Variants in UGT1A9 observed in about 807,000 individuals in gnomAD.
UGT1A9 encodes UDP-glucuronosyltransferase 1A9.
UGT1A9 carries 35 observed loss-of-function variants against 45.0 expected under a neutral mutation model. The observed-to-expected ratio is 0.78, with a 90% CI of 0.59 to 1.03. The LOEUF is 1.03. Ranked by LOEUF, UGT1A9 falls within the 50% of genes least tolerant of loss-of-function variation. The pLI is 0.00. For synonymous variants in UGT1A9, 278 were observed against 250.6 expected (o/e 1.11, Z -1.03); for missense variants, 687 against 666.6 (o/e 1.03, Z -0.34).
At chr2:233,728,181 A>T (rs2077687901) in intron 1 of UGT1A9, among the ~76,000 whole-genome samples, 1 of 152,226 alleles carries the variant, frequency 6.6e-6, no homozygotes, top group South Asian at 2.1e-4. Context: ...CATTCTTATC[A>T]GAACTTGGTG....
At chr2:233,713,149 C>T (rs777655753) in intron 1 of UGT1A9, 6 of 1,614,056 alleles carry the variant, frequency 3.7e-6, no homozygotes, top group Admixed American at 3.3e-5. Flanking sequence ...GACCTCCATG[C>T]GAGAGGCCAC....
chr2:233,682,793 G>A (rs750891491), intron 1 of UGT1A9: 10 of 1,611,268 alleles, frequency 6.2e-6, no homozygotes, highest in Non-Finnish European at 8.5e-6. Flanking sequence ...AGTGCCTATG[G>A]TAAGTTATCT....
rs192671736 is a variant in UGT1A9, at chr2:233,743,440, G to T, written c.856-23594G>T. 5.4e-5 allele frequency: 74 copies of T among 1,361,822 alleles called. 1 individual carries two copies. The African/African-American group carries it at 9.7e-4, about 18-fold the overall frequency. The allele number at this position is 1,361,822 out of a possible 1,614,324, so 84.4% of individuals were successfully genotyped here. A position where few individuals can be genotyped will look rare whatever the true frequency, so the allele number is the denominator to read the frequency against. Reference sequence around the variant, plus strand: ...CAGGGAGCCAAAGGAACGAAATCCTGTATCAAAAGAAGAAAAAACACCCCC... The same window carrying T: ...CAGGGAGCCAAAGGAACGAAATCCTTTATCAAAAGAAGAAAAAACACCCCC... On this transcript the variant is annotated intron_variant, in intron 1 of 4. Transcript: ENST00000354728.
At chr2:233,746,276 T>A (rs1693346507) in intron 1 of UGT1A9, among the ~76,000 whole-genome samples, 1 of 151,642 alleles carries the variant, frequency 6.6e-6, no homozygotes, top group African/African-American at 2.4e-5. Flanking sequence ...GCTGTGGGGA[T>A]TCAAGGAAGG....
Position 233,681,886 on chromosome 2 carries a change from A to G in UGT1A9, c.855+9097A>G, listed in dbSNP as rs542729995. ...TCTATCTGTACTTCTTCCACTTACT[A>G]TATTATAGGAGCTTAGAATCCCAGC... is the stretch of plus-strand genomic sequence containing the variant. On this transcript the variant is annotated intron_variant, in intron 1 of 4. Transcript: ENST00000354728. 3.2e-5 allele frequency: 51 copies of G among 1,576,500 alleles called. 1 individual carries two copies. The South Asian group carries it at 5.6e-4, about 17-fold the overall frequency.
rs1700524777 is a variant in UGT1A9, at chr2:233,772,469, C to T, written c.1503C>T (p.Phe501=). ...FLLAVVLTVA[F]ITFKCCAYGY... ...TGGCCGTCGTGCTGACAGTGGCCTTCATCACCTTTAAATGTTGTGCTTATG... is the reference window on the plus strand; with the variant it reads ...TGGCCGTCGTGCTGACAGTGGCCTTTATCACCTTTAAATGTTGTGCTTATG... Residue 501 remains phenylalanine (F), a synonymous_variant, in exon 5 of 5, where the codon TTC becomes TTT. Coordinates refer to ENST00000354728, the MANE Select transcript of UGT1A9 (RefSeq NM_021027.3). 12 of 1,614,144 alleles carry T rather than the reference C, an allele frequency of 7.4e-6. No homozygotes were observed. The highest frequency in any genetic ancestry group is 1.0e-5 in the Non-Finnish European group (12 of 1,180,034).
chr2:233,722,629 T>C (rs892720273), intron 1 of UGT1A9, among the ~76,000 whole-genome samples: 4 of 152,210 alleles, frequency 2.6e-5, no homozygotes, highest in African/African-American at 7.2e-5. Flanking sequence ...TAATGAAGCA[T>C]TGAGGGCTCG....
intron 1 of UGT1A9, among the ~76,000 whole-genome samples, chr2:233,735,156 T>G (rs2078613836): frequency 6.6e-6 from 1 of 152,214 alleles, no homozygotes; most frequent in Non-Finnish European, 1.5e-5. Context: ...TCTAAGTCTC[T>G]GTGTAGGTCT....
chr2:233,767,766 C>T lies in UGT1A9; in HGVS notation c.988-83C>T, dbSNP rs28900402. The stretch of plus-strand genomic sequence containing the variant: ...TAAAGACTGTTCCTTCAGAGGACCC[C>T]TGTTTTCTAGTTAGTATAGCAGATT... On this transcript the variant is annotated intron_variant, in intron 2 of 4. Coordinates refer to ENST00000354728, the MANE Select transcript of UGT1A9 (RefSeq NM_021027.3). 4.7e-3 allele frequency: 7,536 copies of T among 1,609,198 alleles called. 310 individuals are homozygous for T. The African/African-American group carries it at 0.088, about 19-fold the overall frequency.
chr2:233,682,627 A>G (rs767023426), intron 1 of UGT1A9: 1 of 1,613,954 alleles, frequency 6.2e-7, no homozygotes, highest in South Asian at 1.1e-5. Context: ...TCTTAGAAAT[A>G]GCCTCTGAAA....
chr2:233,768,331 A>G lies in UGT1A9; in HGVS notation c.1187A>G (p.Asp396Gly), dbSNP rs779591634. The change falls in exon 4 of 5, where the codon GAC (aspartate) becomes GGC (glycine). Residue 396 changes from aspartate (D) to glycine (G), a missense_variant. Transcript: ENST00000354728. ...ATGCCCTTGTTTGGTGATCAGATGG[A>G]CAATGCAAAGCGCATGGAGACTAAG... ...VMMPLFGDQM[D>G]NAKRMETKGA... 1 of 1,614,198 alleles carries G rather than the reference A, an allele frequency of 6.2e-7. No homozygotes were observed. Among genetic ancestry groups the G allele is most frequent in the Admixed American group, 1.7e-5 (1 of 60,024 alleles).
chr2:233,747,871 T>C (rs12466997), intron 1 of UGT1A9: 130,796 of 1,613,384 alleles, frequency 0.081, 8,579 homozygotes, highest in African/African-American at 0.27. Context: ...CCTCTGGCCC[T>C]GTCCTACCTT....
chr2:233,672,812 C>T (rs1399377791), intron 1 of UGT1A9, 23 bp downstream of exon 1: 1 of 1,596,044 alleles, frequency 6.3e-7, no homozygotes, highest in South Asian at 1.1e-5. Context: ...TCCTTTAGCA[C>T]CTTAAGAATA....
intron 1 of UGT1A9, among the ~76,000 whole-genome samples, chr2:233,704,140 C>G (rs1322869617): frequency 6.6e-6 from 1 of 152,114 alleles, no homozygotes; most frequent in Non-Finnish European, 1.5e-5. Flanking sequence ...ATCCACCCGC[C>G]TCAGCCTTTC....
chr2:233,683,679 TA>T (rs2074646334), intron 1 of UGT1A9, among the ~76,000 whole-genome samples: 1 of 152,196 alleles, frequency 6.6e-6, no homozygotes, highest in African/African-American at 2.4e-5. Flanking sequence ...TATTAACCTT[TA>T]TTCCTCTGCA....
intron 1 of UGT1A9, chr2:233,752,621 T>G (rs1428833052): frequency 6.6e-6 from 1 of 152,162 alleles, no homozygotes; most frequent in African/African-American, 2.4e-5. Flanking sequence ...TAGCTAGGTG[T>G]GGTAGCTGTT....
chr2:233,671,991 C>T lies in UGT1A9; in HGVS notation c.57C>T (p.Thr19=), dbSNP rs2074205692. Residue 19 remains threonine (T), a synonymous_variant, in exon 1 of 5, where the codon ACC becomes ACT. Coordinates refer to ENST00000354728, the MANE Select transcript of UGT1A9 (RefSeq NM_021027.3). ...CTCTATGTGTGTGTCTGCTGCTGACCTGTGGCTTTGCCGAGGCAGGGAAGC... is the reference window on the plus strand; with the variant it reads ...CTCTATGTGTGTGTCTGCTGCTGACTTGTGGCTTTGCCGAGGCAGGGAAGC... ...PLPLCVCLLL[T]CGFAEAGKLL... The T allele has an allele frequency of 2.5e-6, 4 of 1,613,968 alleles. No individual in the cohort carries two copies. The highest frequency in any genetic ancestry group is 3.4e-6 in the Non-Finnish European group (4 of 1,179,994).
At chr2:233,713,743 A>G (rs2076342174) in intron 1 of UGT1A9, 9 of 1,613,788 alleles carry the variant, frequency 5.6e-6, no homozygotes, top group Admixed American at 3.3e-5. Flanking sequence ...CTTGTCAGCC[A>G]TGCATCTGTG....
At chr2:233,760,492 A>G in intron 1 of UGT1A9, 1 of 1,614,288 alleles carries the variant, frequency 6.2e-7, no homozygotes. Context: ...GTTGTACATC[A>G]GAGACGGAGC....
Sources: gnomAD v4.1 joint callset for allele counts (sites outside exome capture counted in the v4.1 genomes callset) on GRCh38, gnomAD v4.1.1 for gene constraint, MANE v1.5 for transcripts, NCBI Gene and HGNC (gene_info 2026-07-23, HGNC 2026-07-21) for gene names.